The following PSD3 variants were observed in gnomAD, a reference collection of about 807,000 sequenced individuals.
PSD3 encodes PH and SEC7 domain-containing protein 3.
Under a neutral mutation model 105.5 loss-of-function variants are expected in PSD3, and 49 were observed. That is an observed-to-expected ratio of 0.46 (90% CI 0.37 to 0.59). The LOEUF is 0.59. Ranked by LOEUF, PSD3 falls within the 20% of genes least tolerant of loss-of-function variation. PSD3 has a pLI of 0.00. For missense variants in PSD3, 1,561 were observed against 1,263.8 expected (o/e 1.24, Z -3.57); for synonymous variants, 557 against 457.8 (o/e 1.22, Z -2.77).
chr8:18,990,365 CA>C (rs1825722799), intron 1 of PSD3, among the ~76,000 whole-genome samples: 1 of 152,246 alleles, frequency 6.6e-6, no homozygotes, highest in Admixed American at 6.5e-5. Context: ...CACTCTTCCT[CA>C]CTTGGCTCCG....
chr8:18,683,471 G>C (rs1197471483), intron 9 of PSD3, among the ~76,000 whole-genome samples: 1 of 152,178 alleles, frequency 6.6e-6, no homozygotes, highest in Non-Finnish European at 1.5e-5. Flanking sequence ...ACCTTTCTGA[G>C]ACCAAAAACA....
At chr8:19,061,058 T>C (rs1395094275) in intron 1 of PSD3, among the ~76,000 whole-genome samples, 1 of 152,204 alleles carries the variant, frequency 6.6e-6, no homozygotes, top group African/African-American at 2.4e-5. Flanking sequence ...GCATGCTCCA[T>C]GGGCATCAGC....
chr8:18,550,097 A>T (rs1800673672), intron 15 of PSD3, among the ~76,000 whole-genome samples: 1 of 152,206 alleles, frequency 6.6e-6, no homozygotes. Flanking sequence ...TTTACCCAAT[A>T]GAGTGACCCT....
intron 4 of PSD3, among the ~76,000 whole-genome samples, chr8:18,847,508 C>T (rs181551346): frequency 3.3e-5 from 5 of 152,312 alleles, no homozygotes; most frequent in Middle Eastern, 3.4e-3. Context: ...TCCCAGTATC[C>T]TCGTTGTTTT....
chr8:18,687,926 C>G (rs1449940283), intron 9 of PSD3, among the ~76,000 whole-genome samples: 1 of 152,024 alleles, frequency 6.6e-6, no homozygotes, highest in East Asian at 1.9e-4. Flanking sequence ...TGCCACCATG[C>G]CTGGGTAATT....
At chr8:18,631,600 A>C (rs910357728) in intron 11 of PSD3, among the ~76,000 whole-genome samples, 1 of 151,938 alleles carries the variant, frequency 6.6e-6, no homozygotes, top group Non-Finnish European at 1.5e-5. Context: ...GCTAAGATGG[A>C]TTCACTTGCT....
At chr8:18,561,304 A>G (rs1239481775) in intron 14 of PSD3, among the ~76,000 whole-genome samples, 1 of 152,220 alleles carries the variant, frequency 6.6e-6, no homozygotes, top group Non-Finnish European at 1.5e-5. Flanking sequence ...CCCTTAAAAA[A>G]GAGGAAATTC....
intron 2 of PSD3, among the ~76,000 whole-genome samples, chr8:18,896,268 G>A (rs555897728): frequency 2.5e-4 from 38 of 152,274 alleles, no homozygotes; most frequent in Admixed American, 2.5e-3. Context: ...GAATAGTATT[G>A]CAATAAACAT....
At chr8:18,961,417 G>A (rs1823911105) in intron 1 of PSD3, among the ~76,000 whole-genome samples, 3 of 152,156 alleles carry the variant, frequency 2.0e-5, no homozygotes, top group Non-Finnish European at 4.4e-5. Context: ...GGCTGGGCGC[G>A]GTGGCTCACG....
chr8:19,060,570 G>A (rs1266670480), intron 1 of PSD3, among the ~76,000 whole-genome samples: 1 of 152,124 alleles, frequency 6.6e-6, no homozygotes, highest in African/African-American at 2.4e-5. Context: ...GGAGTTCAAG[G>A]CTACAGTGAG....
intron 1 of PSD3, among the ~76,000 whole-genome samples, chr8:18,990,167 C>G (rs1278174072): frequency 6.6e-6 from 1 of 152,224 alleles, no homozygotes; most frequent in African/African-American, 2.4e-5. Context: ...CTTTCTTGCC[C>G]TCTTCAATCC....
intron 1 of PSD3, among the ~76,000 whole-genome samples, chr8:19,054,621 G>T (rs1047425626): frequency 1.3e-5 from 2 of 152,004 alleles, no homozygotes; most frequent in Admixed American, 6.6e-5. Flanking sequence ...ATCTACCTTT[G>T]GATATCTGCC....
intron 2 of PSD3, among the ~76,000 whole-genome samples, chr8:18,925,557 C>G (rs908111571): frequency 1.3e-5 from 2 of 152,062 alleles, no homozygotes; most frequent in Non-Finnish European, 2.9e-5. Flanking sequence ...GCTCCAAAAT[C>G]TGAAACGTTG....
intron 1 of PSD3, among the ~76,000 whole-genome samples, chr8:18,984,396 T>G (rs930560296): frequency 6.6e-5 from 10 of 152,054 alleles, no homozygotes; most frequent in African/African-American, 2.4e-4. Context: ...TACAAATTTA[T>G]AGCCCATGAA....
chr8:18,934,441 C>T (rs1042642680), intron 2 of PSD3, among the ~76,000 whole-genome samples: 2 of 152,090 alleles, frequency 1.3e-5, no homozygotes, highest in Non-Finnish European at 2.9e-5. Context: ...GACGGAGTCT[C>T]GCTCTATCGC....
At chr8:18,651,310 G>A (rs886558467) in intron 10 of PSD3, among the ~76,000 whole-genome samples, 8 of 152,246 alleles carry the variant, frequency 5.3e-5, no homozygotes, top group Admixed American at 1.3e-4. Flanking sequence ...AACATTCTCC[G>A]GTTCTAACAC....
intron 9 of PSD3, among the ~76,000 whole-genome samples, chr8:18,670,815 G>T (rs979448812): frequency 1.3e-5 from 2 of 152,102 alleles, no homozygotes; most frequent in African/African-American, 4.8e-5. Flanking sequence ...TTTCTGAGGG[G>T]ATACACACAA....
At chr8:18,811,796 G>C (rs1345329752) in intron 4 of PSD3, among the ~76,000 whole-genome samples, 3 of 152,094 alleles carry the variant, frequency 2.0e-5, no homozygotes, top group Non-Finnish European at 2.9e-5. Flanking sequence ...AGAGCAAATG[G>C]GCTTGTGGGA....
chr8:18,590,296 C>T (rs1803503044), intron 12 of PSD3, among the ~76,000 whole-genome samples: 1 of 152,134 alleles, frequency 6.6e-6, no homozygotes, highest in Non-Finnish European at 1.5e-5. Flanking sequence ...CATGAGGGGT[C>T]GCCATCTGAT....
Sources: gnomAD v4.1 joint callset for allele counts (sites outside exome capture counted in the v4.1 genomes callset) on GRCh38, gnomAD v4.1.1 for gene constraint, MANE v1.5 for transcripts, NCBI Gene and HGNC (gene_info 2026-07-23, HGNC 2026-07-21) for gene names.